The following MICU3 variants were observed in gnomAD, a reference collection of about 807,000 sequenced individuals.
MICU3 encodes the protein calcium uptake protein 3, mitochondrial.
In MICU3, 62 loss-of-function variants were observed where a neutral mutation model predicts 66.5. That is an observed-to-expected ratio of 0.93 (90% CI 0.76 to 1.15). MICU3 has a LOEUF of 1.15. Ranked by LOEUF, MICU3 falls within the 50% of genes most tolerant of loss-of-function variation. MICU3 has a pLI of 0.00. For missense variants in MICU3, 779 were observed against 664.4 expected, an observed-to-expected ratio of 1.17 and a Z score of -1.90; for synonymous variants, 308 against 240.7, an observed-to-expected ratio of 1.28 and a Z score of -2.59.
intron 1 of MICU3, among the ~76,000 whole-genome samples, chr8:17,047,102 G>A (rs1334821060): frequency 6.6e-6 from 1 of 152,154 alleles, no homozygotes; most frequent in Non-Finnish European, 1.5e-5. Flanking sequence ...TGGATAATAG[G>A]ATAATTTGGT....
chr8:17,054,942 T>G (rs755428496), intron 1 of MICU3, among the ~76,000 whole-genome samples: 1 of 152,028 alleles, frequency 6.6e-6, no homozygotes, highest in Non-Finnish European at 1.5e-5. Flanking sequence ...TTTCACTATG[T>G]TGGCCAGGAT....
chr8:17,046,751 A>G (rs1396034710), intron 1 of MICU3, among the ~76,000 whole-genome samples: 1 of 152,106 alleles, frequency 6.6e-6, no homozygotes, highest in Non-Finnish European at 1.5e-5. Flanking sequence ...TGGACAAGGA[A>G]AAAAATCTTA....
At chr8:17,030,787 C>A (rs1254180132) in intron 1 of MICU3, among the ~76,000 whole-genome samples, 1 of 152,182 alleles carries the variant, frequency 6.6e-6, no homozygotes, top group Non-Finnish European at 1.5e-5. Context: ...AAGGCCTTGT[C>A]CGTTTTGGGA....
intron 3 of MICU3, among the ~76,000 whole-genome samples, chr8:17,071,474 A>T (rs1804851547): frequency 6.6e-6 from 1 of 152,096 alleles, no homozygotes; most frequent in South Asian, 2.1e-4. Context: ...GACCTTATAT[A>T]ATAACCTAAT....
chr8:17,054,329 AT>A (rs752904393), intron 1 of MICU3, among the ~76,000 whole-genome samples: 2 of 152,138 alleles, frequency 1.3e-5, no homozygotes, highest in Non-Finnish European at 2.9e-5. Context: ...TTCAGAATGG[AT>A]TTTACTATAT....
intron 7 of MICU3, among the ~76,000 whole-genome samples, chr8:17,089,908 G>A (rs1585435278): frequency 6.6e-6 from 1 of 152,020 alleles, no homozygotes; most frequent in Non-Finnish European, 1.5e-5. Flanking sequence ...CAAAACTAAA[G>A]TTAAAAATAT....
chr8:17,093,250 C>T (rs533993906), intron 8 of MICU3, among the ~76,000 whole-genome samples: 1 of 152,006 alleles, frequency 6.6e-6, no homozygotes, highest in South Asian at 2.1e-4. Flanking sequence ...ATAAATAATG[C>T]CAAAAGCCAA....
chr8:17,034,270 GA>G (rs1397461867), intron 1 of MICU3, among the ~76,000 whole-genome samples: 1 of 152,158 alleles, frequency 6.6e-6, no homozygotes, highest in Non-Finnish European at 1.5e-5. Flanking sequence ...CTGCTGCTTA[GA>G]AAAAAAGATT....
intron 3 of MICU3, among the ~76,000 whole-genome samples, chr8:17,073,506 T>C (rs557223232): frequency 6.6e-6 from 1 of 152,230 alleles, no homozygotes; most frequent in East Asian, 1.9e-4. Context: ...TCCCACTGAT[T>C]GTACATTATG....
chr8:17,129,468 A>C, the MICU3 span, among the ~76,000 whole-genome samples: 1 of 152,222 alleles, frequency 6.6e-6, no homozygotes, highest in Admixed American at 6.5e-5. Flanking sequence ...TATAAAAACC[A>C]AATGAAAATT....
intron 1 of MICU3, among the ~76,000 whole-genome samples, chr8:17,039,471 CGA>C (rs1349414419): frequency 2.6e-5 from 4 of 152,104 alleles, no homozygotes; most frequent in Non-Finnish European, 5.9e-5. Flanking sequence ...TTCAAGTGCA[CGA>C]GAGTCTGGAT....
chr8:17,106,788 CTTTCTTCAGCATAT>C (rs149300956), intron 11 of MICU3, among the ~76,000 whole-genome samples: 5,776 of 151,772 alleles, frequency 0.038, 415 homozygotes, highest in African/African-American at 0.13. Flanking sequence ...CCAGGCTTGA[CTTTCTTCAGCATAT>C]TTTAGAATAG....
intron 1 of MICU3, among the ~76,000 whole-genome samples, chr8:17,034,000 A>G (rs954573312): frequency 3.9e-5 from 6 of 152,224 alleles, no homozygotes; most frequent in African/African-American, 1.4e-4. Flanking sequence ...GCTGCCGTCT[A>G]GGACTTTGAT....
Position 17,100,241 on chromosome 8 carries a change from C to G in MICU3, c.984+1688C>G, listed in dbSNP as rs578034513. ...TTTTTTCCCGGACAACTCAGTTTGCCAGCACACTATTGGCTGTAATTAATC... is the reference window on the plus strand; with the variant it reads ...TTTTTTCCCGGACAACTCAGTTTGCGAGCACACTATTGGCTGTAATTAATC... On this transcript the variant is annotated intron_variant, in intron 9 of 14. Coordinates refer to ENST00000318063, the MANE Select transcript of MICU3 (RefSeq NM_181723.3). Among the ~76,000 whole-genome samples the G allele has an allele frequency of 2.4e-4, 37 of 151,414 alleles. No homozygotes were observed. The South Asian group carries it at 7.3e-3, about 30-fold the overall frequency.
intron 3 of MICU3, 84 bp downstream of exon 3, chr8:17,069,803 ATATAT>A (rs1282473027): frequency 1.8e-5 from 8 of 453,862 alleles, no homozygotes; most frequent in Non-Finnish European, 2.4e-5. Context: ...ATTTCATAAA[ATATAT>A]TATGTATTTT....
At chr8:17,085,813 G>C (rs1799411890) in intron 6 of MICU3, among the ~76,000 whole-genome samples, 1 of 151,972 alleles carries the variant, frequency 6.6e-6, no homozygotes, top group African/African-American at 2.4e-5. Flanking sequence ...ATAGTTCTTA[G>C]ATATTTACCT....
At position 17,027,450 on chromosome 8, in the gene MICU3, A is replaced by G; in HGVS notation, c.171A>G (p.Ala57=). ...AGGAGAGGGCTGTGGCGGAGGCGGC[A>G]TGGAGGCGGCGGCGGCGCTGGGGGG... is the stretch of plus-strand genomic sequence containing the variant. ...EDEERAVAEA[A]WRRRRRWGEL... is the part of the protein sequence containing the mutation. The change falls in exon 1 of 15, where the codon GCA becomes GCG. Residue 57 remains alanine (A), a synonymous_variant. Coordinates refer to ENST00000318063, the MANE Select transcript of MICU3 (RefSeq NM_181723.3). 2.3e-6 allele frequency: 3 copies of G among 1,300,830 alleles called. No homozygotes were observed. Among genetic ancestry groups the G allele is most frequent in the South Asian group, 2.5e-5 (1 of 39,420 alleles). 80.6% of individuals were successfully genotyped at this position (1,300,830 alleles called of 1,614,324 possible).
At chr8:17,068,748 A>G (rs1342881585) in intron 2 of MICU3, among the ~76,000 whole-genome samples, 1 of 152,196 alleles carries the variant, frequency 6.6e-6, no homozygotes, top group Non-Finnish European at 1.5e-5. Flanking sequence ...ACTACACAGC[A>G]AAAATTGCTT....
chr8:17,135,979 T>G, the MICU3 span, among the ~76,000 whole-genome samples: 59 of 152,246 alleles, frequency 3.9e-4, no homozygotes, highest in African/African-American at 1.4e-3. Context: ...CAAGTTGACT[T>G]CTCTATGTTA....
Sources: gnomAD v4.1 joint callset for allele counts (sites outside exome capture counted in the v4.1 genomes callset) on GRCh38, gnomAD v4.1.1 for gene constraint, MANE v1.5 for transcripts, NCBI Gene and HGNC (gene_info 2026-07-23, HGNC 2026-07-21) for gene names.